LTBP1: variants seen among roughly 807,000 people sequenced by gnomAD.
The protein encoded by LTBP1 is latent transforming growth factor beta binding protein 1.
Under a neutral mutation model 207.6 loss-of-function variants are expected in LTBP1, and 129 were observed. That is an observed-to-expected ratio of 0.62 (90% CI 0.54 to 0.72). LTBP1 has a LOEUF of 0.72. Among genes scored for constraint, LTBP1 ranks in the 30% least tolerant of loss-of-function variants. The pLI is 0.00. For synonymous variants in LTBP1, 963 were observed against 833.7 expected (o/e 1.16, Z -2.67); for missense variants, 2,281 against 2,217.2 (o/e 1.03, Z -0.58).
In LTBP1 at chr2:33,192,908, G is replaced by C. The variant is rs796499583; in HGVS notation, c.1701+4057G>C. On this transcript the variant is annotated intron_variant, in intron 7 of 33. Coordinates refer to ENST00000404816, the MANE Select transcript of LTBP1 (RefSeq NM_206943.4). The stretch of plus-strand genomic sequence containing the variant: ...TTGCTTTTATAACAAGTCCACTCTG[G>C]TGATAACTAACCCACTCCCAAGATA... Among the ~76,000 whole-genome samples the C allele has an allele frequency of 4.6e-5, 7 of 152,228 alleles. 1 individual carries two copies. The highest frequency in any genetic ancestry group is 1.7e-4 in the African/African-American group (7 of 41,528).
At chr2:33,336,217 C>T (rs957522960) in intron 24 of LTBP1, among the ~76,000 whole-genome samples, 1 of 152,186 alleles carries the variant, frequency 6.6e-6, no homozygotes, top group African/African-American at 2.4e-5. Context: ...GTTCTGACCT[C>T]CATCTTCATA....
In LTBP1 at chr2:33,398,226, G is replaced by C. The variant is rs80228027; in HGVS notation, c.4985-138G>C. ...TTAAGATCTCAAAAAAGTCATCTTC[G>C]TCTTGTCTGTGACTGAAGCAATGAC... On this transcript the variant is annotated intron_variant, in intron 33 of 33. Transcript: ENST00000404816. 852 of 683,810 alleles carry C rather than the reference G, an allele frequency of 1.2e-3. 5 individuals carry two copies. The African/African-American group carries it at 0.014, about 11-fold the overall frequency. 42.4% of individuals were successfully genotyped at this position (683,810 alleles called of 1,614,324 possible).
chr2:33,199,859 T>C lies in LTBP1; in HGVS notation c.1701+11008T>C, dbSNP rs530956830. Reference sequence around the variant, plus strand: ...GACAAACAGAGAGCCAAATCATGAGTGAACTCCCATTCACAATTGCTTCCA... The same window carrying C: ...GACAAACAGAGAGCCAAATCATGAGCGAACTCCCATTCACAATTGCTTCCA... On this transcript the variant is annotated intron_variant, in intron 7 of 33. Coordinates refer to ENST00000404816, the MANE Select transcript of LTBP1 (RefSeq NM_206943.4). Among the ~76,000 whole-genome samples the C allele has an allele frequency of 3.0e-4, 45 of 152,248 alleles. 1 individual carries two copies. In the South Asian group the frequency reaches 9.1e-3, roughly 31 times the overall value.
chr2:33,290,787 G>A (rs2093758736), intron 19 of LTBP1, among the ~76,000 whole-genome samples: 1 of 152,186 alleles, frequency 6.6e-6, no homozygotes, highest in Non-Finnish European at 1.5e-5. Flanking sequence ...AAAGACAGAG[G>A]AGGGGTCAGT....
intron 2 of LTBP1, among the ~76,000 whole-genome samples, chr2:32,958,397 C>T (rs977244137): frequency 1.3e-5 from 2 of 152,208 alleles, no homozygotes; most frequent in Non-Finnish European, 2.9e-5. Flanking sequence ...CCATGCCCCT[C>T]TTCTAAGATC....
At chr2:33,263,938 C>T (rs1342152147) in intron 15 of LTBP1, among the ~76,000 whole-genome samples, 3 of 123,066 alleles carry the variant, frequency 2.4e-5, no homozygotes, top group East Asian at 2.4e-4. Flanking sequence ...GGTGACAGAG[C>T]GAGACTCTGT....
chr2:33,088,392 C>T (rs1230928132), intron 3 of LTBP1, among the ~76,000 whole-genome samples: 4 of 151,804 alleles, frequency 2.6e-5, no homozygotes, highest in Non-Finnish European at 5.9e-5. Context: ...GCGGAGGTTG[C>T]GGTGAGCCGA....
intron 2 of LTBP1, among the ~76,000 whole-genome samples, chr2:32,998,195 G>GC (rs1057108501): frequency 7.0e-4 from 106 of 152,212 alleles, no homozygotes; most frequent in African/African-American, 2.5e-3. Flanking sequence ...AGCTCCCCAA[G>GC]CCATTTTAAT....
chr2:32,989,138 AG>A (rs1684036259), intron 2 of LTBP1, among the ~76,000 whole-genome samples: 1 of 152,220 alleles, frequency 6.6e-6, no homozygotes. Context: ...TATTCTTCTC[AG>A]AAATCCATGT....
intron 2 of LTBP1, among the ~76,000 whole-genome samples, chr2:33,007,563 C>T (rs1275890443): frequency 2.6e-5 from 4 of 152,180 alleles, no homozygotes; most frequent in African/African-American, 7.2e-5. Flanking sequence ...CACTGTTTTA[C>T]GCTGAATGGT....
chr2:33,096,129 G>C (rs2079373995), intron 3 of LTBP1, among the ~76,000 whole-genome samples: 1 of 152,112 alleles, frequency 6.6e-6, no homozygotes, highest in African/African-American at 2.4e-5. Context: ...CTTGAGAGCA[G>C]CCAGAGTCAT....
chr2:33,322,531 A>G (rs1287972575), intron 24 of LTBP1, among the ~76,000 whole-genome samples: 5 of 152,242 alleles, frequency 3.3e-5, no homozygotes, highest in Non-Finnish European at 5.9e-5. Flanking sequence ...GATACATTAT[A>G]TATCTGATTG....
intron 19 of LTBP1, among the ~76,000 whole-genome samples, chr2:33,281,349 G>A (rs995169517): frequency 6.6e-6 from 1 of 152,148 alleles, no homozygotes; most frequent in Non-Finnish European, 1.5e-5. Context: ...GAGGGGGTGG[G>A]AGGGAGAACA....
chr2:33,275,229 C>G lies in LTBP1; in HGVS notation c.2869+139C>G, dbSNP rs528644486. 4.0e-6 allele frequency: 4 copies of G among 999,574 alleles called. No homozygotes were observed. The Admixed American group carries it at 8.6e-5, about 21-fold the overall frequency. The allele number at this position is 999,574 out of a possible 1,614,324, so 61.9% of individuals were successfully genotyped here. On this transcript the variant is annotated intron_variant, in intron 17 of 33. Coordinates refer to ENST00000404816, the MANE Select transcript of LTBP1 (RefSeq NM_206943.4). ...TTATCATGACAGCAGTCTGCTAGAT[C>G]CCAGGTGATATAAAAATGGATTTTT...
At chr2:32,948,757 C>G in intron 1 of LTBP1, 118 bp from the exon 2 acceptor site, 4 of 946,950 alleles carry the variant, frequency 4.2e-6, no homozygotes, top group Non-Finnish European at 6.8e-6. Context: ...TTAGGACTCT[C>G]TCTCATCCAG....
intron 7 of LTBP1, among the ~76,000 whole-genome samples, chr2:33,201,435 A>C (rs569575777): frequency 1.2e-4 from 18 of 149,472 alleles, no homozygotes; most frequent in East Asian, 8.0e-4. Flanking sequence ...CAGTGAGAAC[A>C]CATGGACACA....
At chr2:33,079,742 G>A (rs1462139494) in intron 3 of LTBP1, among the ~76,000 whole-genome samples, 1 of 152,066 alleles carries the variant, frequency 6.6e-6, no homozygotes, top group Non-Finnish European at 1.5e-5. Context: ...GAGCCACCTG[G>A]GGCCATCAGC....
intron 3 of LTBP1, among the ~76,000 whole-genome samples, chr2:33,074,828 C>G (rs569779987): frequency 1.4e-4 from 21 of 150,530 alleles, no homozygotes; most frequent in Non-Finnish European, 2.6e-4. Flanking sequence ...CGAGATCGCA[C>G]CACTGCACTC....
At chr2:33,294,279 C>G (rs1482030902) in intron 20 of LTBP1, among the ~76,000 whole-genome samples, 2 of 152,086 alleles carry the variant, frequency 1.3e-5, no homozygotes, top group Middle Eastern at 3.4e-3. Flanking sequence ...TCACTGCAAC[C>G]CCTGCCTCCT....
Sources: allele counts gnomAD v4.1 joint callset (sites outside exome capture counted in the v4.1 genomes callset), GRCh38; gene constraint gnomAD v4.1.1; transcripts MANE v1.5; gene names NCBI Gene and HGNC (gene_info 2026-07-23, HGNC 2026-07-21).